Variants in NEMP2 observed in about 807,000 individuals in gnomAD.
NEMP2 encodes nuclear envelope integral membrane protein 2, also known as UPF0571 transmembrane protein.
NEMP2 carries 53 observed loss-of-function variants against 54.2 expected under a neutral mutation model. That is an observed-to-expected ratio of 0.98 (90% CI 0.78 to 1.23). The LOEUF is 1.23. NEMP2 is among the 50% of genes most tolerant of loss of function. The pLI is 0.00. For missense variants in NEMP2, 455 were observed against 511.3 expected (o/e 0.89, Z 1.06); for synonymous variants, 197 against 190.3 (o/e 1.04, Z -0.29).
chr2:190,423,467 C>G, the NEMP2 span, among the ~76,000 whole-genome samples: 1 of 152,136 alleles, frequency 6.6e-6, no homozygotes, highest in Admixed American at 6.5e-5. This position sits in a 1 kb window ranked among gnomAD's most constrained non-coding sequence, Gnocchi z 4.3. Flanking sequence ...CAATCGTTTG[C>G]TCCTTTTTAT....
At chr2:190,534,321 G>A (rs912106281) in intron 1 of NEMP2, 2 of 1,188,566 alleles carry the variant, frequency 1.7e-6, no homozygotes, top group Admixed American at 4.5e-5. Flanking sequence ...TGGATCGCGC[G>A]GTTGCTTCTA....
chr2:190,575,057 A>G, the NEMP2 span, among the ~76,000 whole-genome samples: 1 of 151,646 alleles, frequency 6.6e-6, no homozygotes, highest in Non-Finnish European at 1.5e-5. Context: ...GGGTTTCACT[A>G]TGTTGGCCAG....
chr2:190,639,900 G>A, the NEMP2 span, among the ~76,000 whole-genome samples: 4 of 151,790 alleles, frequency 2.6e-5, no homozygotes, highest in Non-Finnish European at 5.9e-5. Flanking sequence ...TGCCCACCTC[G>A]GCCTCCCAAA....
At chr2:190,585,750 G>A in the NEMP2 span, among the ~76,000 whole-genome samples, 1 of 152,068 alleles carries the variant, frequency 6.6e-6, no homozygotes, top group African/African-American at 2.4e-5. This position sits in a 1 kb window ranked among gnomAD's most constrained non-coding sequence, Gnocchi z 5.3. Flanking sequence ...ATCCTTCTCT[G>A]CCTTCCTCGA....
At chr2:190,455,253 T>C in the NEMP2 span, among the ~76,000 whole-genome samples, 2 of 150,632 alleles carry the variant, frequency 1.3e-5, no homozygotes, top group Non-Finnish European at 3.0e-5. Flanking sequence ...ATGACTTTCA[T>C]TATTACTATT....
the NEMP2 span, among the ~76,000 whole-genome samples, chr2:190,605,659 A>G: frequency 1.3e-5 from 2 of 152,126 alleles, no homozygotes; most frequent in South Asian, 2.1e-4. Flanking sequence ...TTACAGGTGT[A>G]GCCATCGCAC....
In NEMP2 at chr2:190,514,444, G is replaced by C. The variant is rs1559157511; in HGVS notation, c.953+9C>G. 4.5e-6 allele frequency: 7 copies of C among 1,547,476 alleles called. No homozygotes were observed. The highest frequency in any genetic ancestry group is 6.1e-6 in the Non-Finnish European group (7 of 1,144,740). ...GTCAAATTTGCTGGGGGAAAAAAAT[G>C]ATACATACCACCTCATATAACTGCA... On this transcript the variant is annotated intron_variant, in intron 7 of 8. Coordinates refer to ENST00000409150, the MANE Select transcript of NEMP2 (RefSeq NM_001142645.2). This position sits in a 1 kb window ranked among gnomAD's most constrained non-coding sequence, Gnocchi z 5.7.
At chr2:190,423,436 T>C in the NEMP2 span, among the ~76,000 whole-genome samples, 1 of 152,258 alleles carries the variant, frequency 6.6e-6, no homozygotes, top group Non-Finnish European at 1.5e-5. The surrounding 1 kb of genome is among the most constrained non-coding windows in gnomAD (Gnocchi z 4.3). Flanking sequence ...TCTGGAAATT[T>C]ATCCAGTTTA....
chr2:190,452,357 C>T, the NEMP2 span, among the ~76,000 whole-genome samples: 1 of 152,040 alleles, frequency 6.6e-6, no homozygotes, highest in Admixed American at 6.6e-5. Context: ...AATTATACTA[C>T]CATTTGATTG....
the NEMP2 span, among the ~76,000 whole-genome samples, chr2:190,473,192 C>A: frequency 1.4e-4 from 22 of 152,108 alleles, no homozygotes; most frequent in African/African-American, 4.8e-4. Context: ...CAAGCAAAAT[C>A]ACCAGCTAAC....
the NEMP2 span, among the ~76,000 whole-genome samples, chr2:190,499,153 TATA>T: frequency 6.6e-6 from 1 of 152,158 alleles, no homozygotes; most frequent in East Asian, 1.9e-4. This position sits in a 1 kb window ranked among gnomAD's most constrained non-coding sequence, Gnocchi z 6.0. Flanking sequence ...GTCTCAAAAT[TATA>T]ATAACAATAA....
chr2:190,433,047 C>T, the NEMP2 span, among the ~76,000 whole-genome samples: 69,251 of 151,922 alleles, frequency 0.46, 16,201 homozygotes, highest in Admixed American at 0.61. The surrounding 1 kb of genome is among the most constrained non-coding windows in gnomAD (Gnocchi z 4.5). Flanking sequence ...TTCTGCTTTC[C>T]GTAATTTTAT....
chr2:190,487,904 T>C, the NEMP2 span, among the ~76,000 whole-genome samples: 1 of 111,408 alleles, frequency 9.0e-6, no homozygotes, highest in Non-Finnish European at 2.2e-5. This position sits in a 1 kb window ranked among gnomAD's most constrained non-coding sequence, Gnocchi z 5.5. Flanking sequence ...GTCAAAATAA[T>C]TTTTTTTTCT....
chr2:190,602,681 T>G, the NEMP2 span, among the ~76,000 whole-genome samples: 1 of 152,166 alleles, frequency 6.6e-6, no homozygotes, highest in Non-Finnish European at 1.5e-5. Context: ...CCTGTCTTCC[T>G]GTACATGCCC....
the NEMP2 span, among the ~76,000 whole-genome samples, chr2:190,471,384 T>G: frequency 6.6e-6 from 1 of 152,108 alleles, no homozygotes; most frequent in South Asian, 2.1e-4. The surrounding 1 kb of genome is among the most constrained non-coding windows in gnomAD (Gnocchi z 4.7). Context: ...ATTGGGTCAC[T>G]CCCACCCTAA....
upstream of NEMP2, chr2:190,534,734 T>A (rs573211631): frequency 4.5e-5 from 49 of 1,088,874 alleles, no homozygotes; most frequent in African/African-American, 2.9e-4. Flanking sequence ...GCGCGGGGGC[T>A]CAGAGAAGGC....
chr2:190,534,105 T>TTAC, intron 1 of NEMP2: 1 of 987,388 alleles, frequency 1.0e-6, no homozygotes, highest in Non-Finnish European at 1.2e-6. Context: ...GCTGAAGCTG[T>TTAC]TACCTTCTCT....
the NEMP2 span, among the ~76,000 whole-genome samples, chr2:190,586,211 T>C: frequency 2.0e-5 from 3 of 152,192 alleles, no homozygotes; most frequent in Non-Finnish European, 4.4e-5. This position sits in a 1 kb window ranked among gnomAD's most constrained non-coding sequence, Gnocchi z 4.5. Flanking sequence ...AAGATCATGA[T>C]TTTTTTAATA....
the NEMP2 span, among the ~76,000 whole-genome samples, chr2:190,437,896 C>T: frequency 1.3e-5 from 2 of 152,162 alleles, no homozygotes; most frequent in South Asian, 4.1e-4. The surrounding 1 kb of genome is among the most constrained non-coding windows in gnomAD (Gnocchi z 5.9). Flanking sequence ...CATATTATTC[C>T]ATGGAGGGTC....
Sources: allele counts gnomAD v4.1 joint callset (sites outside exome capture counted in the v4.1 genomes callset), GRCh38; gene constraint gnomAD v4.1.1; non-coding constraint Gnocchi (gnomAD v3.1); transcripts MANE v1.5; gene names NCBI Gene and HGNC (gene_info 2026-07-23, HGNC 2026-07-21).